Variants in FGF14 observed in about 807,000 individuals in gnomAD.
The protein encoded by FGF14 is fibroblast growth factor 14, also known as fibroblast growth factor homologous factor 4.
FGF14 carries 5 observed loss-of-function variants against 25.5 expected under a neutral mutation model. The observed-to-expected ratio is 0.20, with a 90% CI of 0.10 to 0.41. The LOEUF is 0.41. Ranked by LOEUF, FGF14 falls within the 10% of genes least tolerant of loss-of-function variation. The probability of loss-of-function intolerance (pLI) is 1.00; values close to 1 mark genes in which losing one functional copy is unlikely to be tolerated. For missense variants in FGF14, 222 were observed against 320.1 expected (o/e 0.69, Z 2.34); for synonymous variants, 138 against 118.3 (o/e 1.17, Z -1.08).
intron 1 of FGF14, among the ~76,000 whole-genome samples, chr13:101,957,548 G>A (rs919520211): frequency 4.6e-5 from 7 of 152,206 alleles, no homozygotes; most frequent in Middle Eastern, 3.4e-3. Context: ...ACAAATTCTC[G>A]ATCTTGTTCA....
intron 1 of FGF14, among the ~76,000 whole-genome samples, chr13:102,000,011 A>G (rs903297866): frequency 2.6e-5 from 4 of 152,310 alleles, no homozygotes; most frequent in African/African-American, 9.6e-5. Flanking sequence ...GAAGCTCAGT[A>G]TATCCATTAA....
At chr13:102,359,923 A>T (rs1026444083) in intron 1 of FGF14, among the ~76,000 whole-genome samples, 4 of 152,096 alleles carry the variant, frequency 2.6e-5, no homozygotes, top group Admixed American at 1.3e-4. Flanking sequence ...AGCCCTAAAA[A>T]TAACAGAAGG....
At chr13:101,772,622 T>C (rs1055438255) in intron 3 of FGF14, among the ~76,000 whole-genome samples, 1 of 152,104 alleles carries the variant, frequency 6.6e-6, no homozygotes, top group African/African-American at 2.4e-5. Flanking sequence ...CAGGAATAAA[T>C]TATAGCACAT....
At chr13:102,176,566 T>A (rs1304240166) in intron 1 of FGF14, among the ~76,000 whole-genome samples, 1 of 152,128 alleles carries the variant, frequency 6.6e-6, no homozygotes, top group Non-Finnish European at 1.5e-5. Flanking sequence ...CCACTTAATC[T>A]GTAATAAAAT....
chr13:102,143,015 G>A (rs2046708121), intron 1 of FGF14, among the ~76,000 whole-genome samples: 1 of 151,986 alleles, frequency 6.6e-6, no homozygotes, highest in South Asian at 2.1e-4. Flanking sequence ...CCTGCTTCAG[G>A]TTTTGTCATT....
chr13:101,975,008 T>C (rs960554652), intron 1 of FGF14, among the ~76,000 whole-genome samples: 1 of 151,570 alleles, frequency 6.6e-6, no homozygotes, highest in African/African-American at 2.4e-5. Flanking sequence ...GGGAGTGGGG[T>C]GGGAAGCGTA....
At chr13:102,361,171 A>T (rs982448612) in intron 1 of FGF14, among the ~76,000 whole-genome samples, 2 of 152,170 alleles carry the variant, frequency 1.3e-5, no homozygotes, top group African/African-American at 4.8e-5. Context: ...TCATTTCAAG[A>T]CAGACCATCA....
At chr13:102,182,192 A>G (rs2048702546) in intron 1 of FGF14, among the ~76,000 whole-genome samples, 1 of 152,160 alleles carries the variant, frequency 6.6e-6, no homozygotes, top group African/African-American at 2.4e-5. Flanking sequence ...CAATAGAAGC[A>G]GGTTTACAGA....
intron 1 of FGF14, among the ~76,000 whole-genome samples, chr13:102,335,636 T>C (rs1048619122): frequency 1.8e-4 from 28 of 152,150 alleles, no homozygotes; most frequent in African/African-American, 4.8e-4. Flanking sequence ...AAGTACCAGA[T>C]ACAATGCAAG....
intron 1 of FGF14, among the ~76,000 whole-genome samples, chr13:102,047,218 C>G (rs2042022917): frequency 1.3e-5 from 2 of 152,218 alleles, no homozygotes; most frequent in South Asian, 4.1e-4. Flanking sequence ...CCAAAAAGGT[C>G]ATTTTTGCTT....
At chr13:102,198,599 G>A (rs925003249) in intron 1 of FGF14, among the ~76,000 whole-genome samples, 7 of 152,156 alleles carry the variant, frequency 4.6e-5, no homozygotes, top group African/African-American at 1.4e-4. Context: ...GAGACAGGGC[G>A]TGGTAATGTC....
intron 1 of FGF14, among the ~76,000 whole-genome samples, chr13:102,360,019 T>C (rs972772477): frequency 1.3e-5 from 1 of 76,240 alleles, no homozygotes. Flanking sequence ...CACGATGATG[T>C]CTTTAAAACA....
intron 1 of FGF14, among the ~76,000 whole-genome samples, chr13:102,365,554 T>C (rs1406121635): frequency 1.3e-5 from 2 of 152,208 alleles, no homozygotes; most frequent in Non-Finnish European, 2.9e-5. Flanking sequence ...GTATGACTTT[T>C]CATTAGAAAC....
At chr13:101,931,775 A>T (rs1164469053) in intron 1 of FGF14, among the ~76,000 whole-genome samples, 1 of 152,184 alleles carries the variant, frequency 6.6e-6, no homozygotes, top group Non-Finnish European at 1.5e-5. Context: ...ACTTCAGCGG[A>T]TCTGTACCTC....
intron 1 of FGF14, among the ~76,000 whole-genome samples, chr13:101,970,477 A>G (rs978859427): frequency 1.3e-5 from 2 of 152,180 alleles, no homozygotes; most frequent in South Asian, 2.1e-4. Context: ...TCAGAAAACA[A>G]TACCCCAAGG....
chr13:102,208,506 A>C (rs1218686469), intron 1 of FGF14, among the ~76,000 whole-genome samples: 2 of 152,224 alleles, frequency 1.3e-5, no homozygotes, highest in Non-Finnish European at 2.9e-5. Context: ...AACAGATAGA[A>C]ATTGCATAAA....
At chr13:102,370,662 CTAAG>C (rs768990666) in intron 1 of FGF14, among the ~76,000 whole-genome samples, 147 of 136,518 alleles carry the variant, frequency 1.1e-3, no homozygotes, top group Non-Finnish European at 7.3e-4. Flanking sequence ...TTTTATTTAA[CTAAG>C]TGAGATAAAA....
chr13:102,394,239 C>G (rs1595047636), intron 1 of FGF14: 1 of 152,438 alleles, frequency 6.6e-6, no homozygotes, highest in East Asian at 1.9e-4. Context: ...CCAGAGCTGG[C>G]GCCCGCTAGC....
rs368546016 is a variant in FGF14 at position 102,161,669 on chromosome 13, A to G, written c.208+239802T>C. ...AAGAAGAAGAAGAAGAAGAAGAAGAAGAAGAAGAAGAAGAAGAAGAAGAAG... is the reference window on the plus strand; with the variant it reads ...AAGAAGAAGAAGAAGAAGAAGAAGAGGAAGAAGAAGAAGAAGAAGAAGAAG... On this transcript the variant is annotated intron_variant, in intron 1 of 4. Transcript: ENST00000376131. Among the ~76,000 whole-genome samples the G allele has an allele frequency of 6.3e-4, 42 of 66,800 alleles. 2 individuals carry two copies. The East Asian group carries it at 7.3e-3, about 12-fold the overall frequency. 43.8% of individuals were successfully genotyped at this position (66,800 alleles called of 152,430 possible). A position where few individuals can be genotyped will look rare whatever the true frequency, so the allele number is the denominator to read the frequency against.
Sources: gnomAD v4.1 joint callset for allele counts (sites outside exome capture counted in the v4.1 genomes callset) on GRCh38, gnomAD v4.1.1 for gene constraint, MANE v1.5 for transcripts, NCBI Gene and HGNC (gene_info 2026-07-23, HGNC 2026-07-21) for gene names.